Variants in PTPRO observed in about 807,000 individuals in gnomAD.
PTPRO encodes protein tyrosine phosphatase receptor type O, also known as receptor-type tyrosine-protein phosphatase O.
Under a neutral mutation model 145.2 loss-of-function variants are expected in PTPRO, and 62 were observed. The observed-to-expected ratio is 0.43, with a 90% CI of 0.35 to 0.53. PTPRO has a LOEUF of 0.53. Ranked by LOEUF, PTPRO falls within the 20% of genes least tolerant of loss-of-function variation. The pLI is 0.01. For missense variants in PTPRO, 1,345 were observed against 1,482.7 expected (o/e 0.91, Z 1.53); for synonymous variants, 565 against 514.7 (o/e 1.10, Z -1.32).
At chr12:15,416,877 GACAA>G (rs1555158980) in intron 1 of PTPRO, among the ~76,000 whole-genome samples, 1 of 151,470 alleles carries the variant, frequency 6.6e-6, no homozygotes, top group Non-Finnish European at 1.5e-5. Context: ...GTTGGCCAGA[GACAA>G]ATAGTAATAA....
At chr12:15,405,976 G>C (rs900176840) in intron 1 of PTPRO, among the ~76,000 whole-genome samples, 8 of 152,034 alleles carry the variant, frequency 5.3e-5, no homozygotes, top group Admixed American at 3.9e-4. Flanking sequence ...TATTGCTAAA[G>C]GAAATGCTAT....
At chr12:15,475,591 C>T (rs1468999473) in intron 1 of PTPRO, among the ~76,000 whole-genome samples, 1 of 151,786 alleles carries the variant, frequency 6.6e-6, no homozygotes, top group African/African-American at 2.4e-5. Context: ...TCCTAAAGTA[C>T]GTTTAGTATA....
At chr12:15,418,973 A>G (rs1940058245) in intron 1 of PTPRO, among the ~76,000 whole-genome samples, 1 of 151,760 alleles carries the variant, frequency 6.6e-6, no homozygotes, top group African/African-American at 2.4e-5. Context: ...TTCAAGAGTA[A>G]GATTTCACAT....
In PTPRO at chr12:15,476,250, C is replaced by A. The variant is rs1272032030; in HGVS notation, c.76-7724C>A. On this transcript the variant is annotated intron_variant, in intron 1 of 26. Coordinates refer to ENST00000281171, the MANE Select transcript of PTPRO (RefSeq NM_030667.3). ...GATGATGAGGCAGGAGATGTTGAGG[C>A]CAACCGACATATTACTTGTGTTCCC... is the stretch of plus-strand genomic sequence containing the variant. 2.0e-5 allele frequency among the ~76,000 whole-genome samples: 3 copies of A among 152,000 alleles called. No individual in the cohort carries two copies. In the East Asian group the frequency reaches 5.8e-4, roughly 29 times the overall value.
At chr12:15,465,176 G>A (rs1395023211) in intron 1 of PTPRO, among the ~76,000 whole-genome samples, 1 of 152,126 alleles carries the variant, frequency 6.6e-6, no homozygotes, top group Non-Finnish European at 1.5e-5. Flanking sequence ...TGTTCTCAAA[G>A]ACAAAGATAT....
At position 15,504,178 on chromosome 12, in the gene PTPRO, G is replaced by A. The variant is rs1942275678; in HGVS notation, c.1267+109G>A. 2.4e-6 allele frequency: 3 copies of A among 1,248,896 alleles called. No homozygotes were observed. The African/African-American group carries it at 4.5e-5, about 19-fold the overall frequency. The allele number at this position is 1,248,896 out of a possible 1,614,324, so 77.4% of individuals were successfully genotyped here. Reference sequence around the variant, plus strand: ...TATTCACAAACCTTAGGGATGATGAGAAGTCTTCAAGATCAGGAGAGGCTG... The same window carrying A: ...TATTCACAAACCTTAGGGATGATGAAAAGTCTTCAAGATCAGGAGAGGCTG... On this transcript the variant is annotated intron_variant, in intron 6 of 26. Transcript: ENST00000281171.
At chr12:15,472,951 A>G (rs1941574671) in intron 1 of PTPRO, among the ~76,000 whole-genome samples, 1 of 152,184 alleles carries the variant, frequency 6.6e-6, no homozygotes, top group Non-Finnish European at 1.5e-5. Context: ...ACTTCAGAGG[A>G]ACCACTCTGG....
At chr12:15,457,298 G>A (rs1224193358) in intron 1 of PTPRO, among the ~76,000 whole-genome samples, 1 of 152,112 alleles carries the variant, frequency 6.6e-6, no homozygotes, top group East Asian at 1.9e-4. Flanking sequence ...GCCTATTGTG[G>A]GTATTTGCCT....
intron 12 of PTPRO, among the ~76,000 whole-genome samples, chr12:15,544,141 G>A (rs369476895): frequency 7.4e-4 from 113 of 152,236 alleles, no homozygotes; most frequent in African/African-American, 2.7e-3. Context: ...AAGAGGCACA[G>A]CAAGTTTGTG....
chr12:15,424,711 A>C (rs571133204), intron 1 of PTPRO, among the ~76,000 whole-genome samples: 1 of 152,200 alleles, frequency 6.6e-6, no homozygotes, highest in Admixed American at 6.6e-5. Flanking sequence ...GAGTCTTAAA[A>C]ATGCAAGAGA....
chr12:15,505,524 A>G (rs1329350347), intron 6 of PTPRO, among the ~76,000 whole-genome samples: 1 of 152,196 alleles, frequency 6.6e-6, no homozygotes, highest in Non-Finnish European at 1.5e-5. Flanking sequence ...GCATCTTAAT[A>G]TTTATCTAGA....
chr12:15,388,432 T>A (rs1375396221), intron 1 of PTPRO, among the ~76,000 whole-genome samples: 2 of 152,212 alleles, frequency 1.3e-5, no homozygotes, highest in Admixed American at 6.5e-5. Flanking sequence ...TGTTTTAAAC[T>A]GTGCTGAAAT....
intron 19 of PTPRO, among the ~76,000 whole-genome samples, chr12:15,570,498 A>G (rs896953748): frequency 5.3e-5 from 8 of 152,192 alleles, no homozygotes; most frequent in African/African-American, 1.9e-4. Context: ...GATGAGAAGA[A>G]TCTTATACAT....
At chr12:15,456,348 A>C (rs573014148) in intron 1 of PTPRO, among the ~76,000 whole-genome samples, 1 of 152,212 alleles carries the variant, frequency 6.6e-6, no homozygotes, top group East Asian at 1.9e-4. Flanking sequence ...TGATCCTTTT[A>C]ATATGCTGTT....
intron 1 of PTPRO, among the ~76,000 whole-genome samples, chr12:15,326,719 A>G (rs1866455350): frequency 6.6e-6 from 1 of 152,232 alleles, no homozygotes; most frequent in Non-Finnish European, 1.5e-5. Context: ...TGATGCACTT[A>G]AGTAAAACAT....
chr12:15,571,318 C>G (rs1944042813), intron 19 of PTPRO, among the ~76,000 whole-genome samples: 1 of 152,126 alleles, frequency 6.6e-6, no homozygotes, highest in Non-Finnish European at 1.5e-5. Context: ...GAGACAGTCT[C>G]ACTCTGTTGC....
chr12:15,493,557 C>A (rs145559653), intron 2 of PTPRO, among the ~76,000 whole-genome samples: 151 of 152,186 alleles, frequency 9.9e-4, no homozygotes, highest in African/African-American at 3.5e-3. Context: ...AAGAAAAAAT[C>A]ATTAATCTCC....
chr12:15,431,769 A>G (rs1357634787), intron 1 of PTPRO, among the ~76,000 whole-genome samples: 1 of 152,222 alleles, frequency 6.6e-6, no homozygotes, highest in African/African-American at 2.4e-5. Context: ...AATCTAGATT[A>G]AAGAACGATA....
chr12:15,499,724 A>G, intron 4 of PTPRO, 130 bp downstream of exon 4: 1 of 1,084,172 alleles, frequency 9.2e-7, no homozygotes, highest in Non-Finnish European at 1.3e-6. Context: ...TAATAACCTA[A>G]AACAGATTTT....
Sources: allele counts gnomAD v4.1 joint callset (sites outside exome capture counted in the v4.1 genomes callset), GRCh38; gene constraint gnomAD v4.1.1; transcripts MANE v1.5; gene names NCBI Gene and HGNC (gene_info 2026-07-23, HGNC 2026-07-21).